QKI: variants seen among roughly 807,000 people sequenced by gnomAD.
QKI encodes QKI, KH domain containing RNA binding, also known as KH domain-containing RNA-binding protein QKI.
Under a neutral mutation model 39.0 loss-of-function variants are expected in QKI, and 10 were observed. The observed-to-expected ratio is 0.26, with a 90% CI of 0.16 to 0.43. The LOEUF is 0.43. QKI is among the 20% of genes least tolerant of loss of function. The pLI is 1.00. For synonymous variants in QKI, 204 were observed against 155.4 expected (o/e 1.31, Z -2.33); for missense variants, 218 against 428.0 (o/e 0.51, Z 4.33).
At chr6:163,460,254 G>A (rs921856342) in intron 2 of QKI, among the ~76,000 whole-genome samples, 9 of 152,124 alleles carry the variant, frequency 5.9e-5, no homozygotes, top group Non-Finnish European at 1.2e-4. Flanking sequence ...TTTAAAATGG[G>A]ATTTAATTTT....
chr6:163,483,668 C>T (rs1793253096), intron 3 of QKI, among the ~76,000 whole-genome samples: 1 of 152,176 alleles, frequency 6.6e-6, no homozygotes, highest in South Asian at 2.1e-4. Flanking sequence ...TTCTCTTGCT[C>T]TTTCCACCAC....
chr6:163,440,778 C>G lies in QKI; in HGVS notation c.143-14501C>G, dbSNP rs190799053. 2.1e-3 allele frequency among the ~76,000 whole-genome samples: 319 copies of G among 152,152 alleles called. 1 individual carries two copies. Among genetic ancestry groups the G allele is most frequent in the African/African-American group, 7.3e-3 (303 of 41,526 alleles). On this transcript the variant is annotated intron_variant, in intron 1 of 7. Coordinates refer to ENST00000361752, the MANE Select transcript of QKI (RefSeq NM_006775.3). ...TTGCACATGACTATATTCCTAGGGC[C>G]TTGGCCAGTGCCTGGTACAGAGTAG...
At chr6:163,456,814 G>C (rs766819535) in intron 2 of QKI, among the ~76,000 whole-genome samples, 4 of 152,008 alleles carry the variant, frequency 2.6e-5, no homozygotes, top group Non-Finnish European at 4.4e-5. Flanking sequence ...GTTAGGCTAG[G>C]AATCAGGGCA....
chr6:163,530,874 C>A (rs1016843425), intron 3 of QKI, among the ~76,000 whole-genome samples: 1 of 152,138 alleles, frequency 6.6e-6, no homozygotes, highest in African/African-American at 2.4e-5. Flanking sequence ...TCATCTGGAA[C>A]CTCAGATCCC....
chr6:163,557,187 T>A (rs1720599592), intron 4 of QKI, among the ~76,000 whole-genome samples: 1 of 152,192 alleles, frequency 6.6e-6, no homozygotes, highest in African/African-American at 2.4e-5. Context: ...ACAGCTGTCA[T>A]ACTGAGGGAA....
chr6:163,475,803 G>T (rs1792545841), intron 2 of QKI, among the ~76,000 whole-genome samples: 1 of 152,120 alleles, frequency 6.6e-6, no homozygotes, highest in African/African-American at 2.4e-5. Flanking sequence ...AGGTATCTTG[G>T]TGACCTTAGG....
At chr6:163,427,800 A>G (rs1275883132) in intron 1 of QKI, among the ~76,000 whole-genome samples, 4 of 152,144 alleles carry the variant, frequency 2.6e-5, no homozygotes, top group Admixed American at 1.3e-4. Flanking sequence ...AGAATATGAC[A>G]GGCAAAATGT....
intron 4 of QKI, among the ~76,000 whole-genome samples, chr6:163,536,714 C>G (rs997680336): frequency 6.6e-6 from 1 of 152,060 alleles, no homozygotes; most frequent in Admixed American, 6.6e-5. Flanking sequence ...ATGATTGAAT[C>G]TTGTCATAAG....
At chr6:163,540,670 A>G (rs1445456663) in intron 4 of QKI, among the ~76,000 whole-genome samples, 1 of 152,182 alleles carries the variant, frequency 6.6e-6, no homozygotes. Flanking sequence ...ATTTATTAGT[A>G]GAATCAAATA....
intron 3 of QKI, among the ~76,000 whole-genome samples, chr6:163,496,058 G>C (rs1337374076): frequency 6.6e-6 from 1 of 151,992 alleles, no homozygotes. Context: ...CTTTACATTT[G>C]TTAGTTAACA....
intron 3 of QKI, among the ~76,000 whole-genome samples, chr6:163,494,326 A>G (rs1363623108): frequency 6.6e-6 from 1 of 152,226 alleles, no homozygotes; most frequent in Non-Finnish European, 1.5e-5. Context: ...GAGCACTGGT[A>G]GGGAGGCGGT....
At chr6:163,441,955 T>C (rs115637550) in intron 1 of QKI, among the ~76,000 whole-genome samples, 4,249 of 152,320 alleles carry the variant, frequency 0.028, 195 homozygotes, top group African/African-American at 0.096. Flanking sequence ...TTATACCAAC[T>C]GAGATGGGAA....
At chr6:163,480,990 A>T (rs1793033903) in intron 3 of QKI, among the ~76,000 whole-genome samples, 2 of 152,198 alleles carry the variant, frequency 1.3e-5, no homozygotes, top group Non-Finnish European at 2.9e-5. Flanking sequence ...GCCCTCACAG[A>T]CAATGAGCAT....
intron 1 of QKI, 62 bp downstream of exon 1, chr6:163,415,397 T>C (rs1787361538): frequency 6.8e-7 from 1 of 1,471,544 alleles, no homozygotes; most frequent in Non-Finnish European, 9.2e-7. Flanking sequence ...CTTTCCCCGC[T>C]TGGGATGGTG....
At position 163,415,094 on chromosome 6, in the gene QKI, G is replaced by A. The variant is rs1449118772; in HGVS notation, c.-100G>A. 1 of 1,008,144 alleles carries A rather than the reference G, an allele frequency of 9.9e-7. No individual in the cohort carries two copies. The highest frequency in any genetic ancestry group is 1.2e-6 in the Non-Finnish European group (1 of 841,808). The allele number at this position is 1,008,144 out of a possible 1,614,324, so 62.4% of individuals were successfully genotyped here. A position where few individuals can be genotyped will look rare whatever the true frequency, so the allele number is the denominator to read the frequency against. Reference sequence around the variant, plus strand: ...GGAGCCGGCGCGGAGCGGGACGCCGGGTCCCGAGCGGCCCGCGGCCGGGGC... The same window carrying A: ...GGAGCCGGCGCGGAGCGGGACGCCGAGTCCCGAGCGGCCCGCGGCCGGGGC... On this transcript the variant is annotated 5_prime_UTR_variant, in exon 1 of 8. Coordinates refer to ENST00000361752, the MANE Select transcript of QKI (RefSeq NM_006775.3).
intron 3 of QKI, among the ~76,000 whole-genome samples, chr6:163,481,003 G>A (rs1793035193): frequency 6.6e-6 from 1 of 152,162 alleles, no homozygotes; most frequent in South Asian, 2.1e-4. Context: ...ATGAGCATTA[G>A]AGCTTATAAC....
chr6:163,568,550 A>G (rs1583236262), intron 7 of QKI: 1 of 981,078 alleles, frequency 1.0e-6, no homozygotes. Flanking sequence ...GTATGCACTC[A>G]TTGGGTCTAA....
At chr6:163,494,651 G>GTT (rs796487452) in intron 3 of QKI, among the ~76,000 whole-genome samples, 1 of 120,796 alleles carries the variant, frequency 8.3e-6, no homozygotes, top group South Asian at 3.2e-4. Flanking sequence ...CACGTTTTGG[G>GTT]TTTTTTTTTT....
intron 4 of QKI, among the ~76,000 whole-genome samples, chr6:163,540,605 T>A (rs1781449056): frequency 1.3e-5 from 2 of 152,164 alleles, no homozygotes; most frequent in South Asian, 4.1e-4. Flanking sequence ...AGAGAACAGT[T>A]CAGTATTGTA....
Sources: gnomAD v4.1 joint callset for allele counts (sites outside exome capture counted in the v4.1 genomes callset) on GRCh38, gnomAD v4.1.1 for gene constraint, MANE v1.5 for transcripts, NCBI Gene and HGNC (gene_info 2026-07-23, HGNC 2026-07-21) for gene names.